The following MACROD2 variants were observed in gnomAD, a reference collection of about 807,000 sequenced individuals.
MACROD2 encodes mono-ADP ribosylhydrolase 2.
In MACROD2, 36 loss-of-function variants were observed where a neutral mutation model predicts 70.4. That is an observed-to-expected ratio of 0.51 (90% confidence interval 0.39 to 0.68). The LOEUF is 0.68. MACROD2 is among the 30% of genes least tolerant of loss of function. MACROD2 has a pLI of 0.00. For missense variants in MACROD2, 496 were observed against 538.4 expected (o/e 0.92, Z 0.78); for synonymous variants, 172 against 178.8 (o/e 0.96, Z 0.30).
intron 5 of MACROD2, among the ~76,000 whole-genome samples, chr20:14,690,256 C>G (rs924703959): frequency 2.1e-5 from 3 of 141,144 alleles, no homozygotes; most frequent in African/African-American, 7.8e-5. Flanking sequence ...GAATCTGTTT[C>G]TTTTATTTCT....
At chr20:14,003,158 G>A (rs1248638481) in intron 2 of MACROD2, among the ~76,000 whole-genome samples, 1 of 152,196 alleles carries the variant, frequency 6.6e-6, no homozygotes, top group Non-Finnish European at 1.5e-5. Flanking sequence ...CTTGAAACAT[G>A]CTAATTTCAA....
chr20:15,338,196 A>G (rs2078069730), intron 6 of MACROD2, among the ~76,000 whole-genome samples: 1 of 151,628 alleles, frequency 6.6e-6, no homozygotes, highest in Non-Finnish European at 1.5e-5. Context: ...TTAGACTGTA[A>G]TATTACGGTA....
chr20:14,412,255 T>TC (rs1055706642), intron 3 of MACROD2, among the ~76,000 whole-genome samples: 30 of 152,222 alleles, frequency 2.0e-4, no homozygotes, highest in African/African-American at 5.8e-4. Flanking sequence ...GGAATTCCCG[T>TC]CCCCCCTAGG....
intron 6 of MACROD2, among the ~76,000 whole-genome samples, chr20:15,370,488 T>C (rs984973759): frequency 3.3e-5 from 5 of 152,122 alleles, no homozygotes; most frequent in Non-Finnish European, 7.4e-5. Context: ...TACTGCCCAA[T>C]AATATTTTAT....
intron 8 of MACROD2, among the ~76,000 whole-genome samples, chr20:15,693,832 T>C (rs1428353418): frequency 5.9e-5 from 9 of 152,156 alleles, no homozygotes; most frequent in Non-Finnish European, 1.5e-5. Flanking sequence ...GTACACACTC[T>C]ACCATATTTG....
intron 4 of MACROD2, among the ~76,000 whole-genome samples, chr20:14,553,786 C>CAAA (rs1415088995): frequency 1.7e-3 from 262 of 152,262 alleles, no homozygotes; most frequent in African/African-American, 6.0e-3. Context: ...TAATGACCAT[C>CAAA]AAAGTTGGTC....
intron 2 of MACROD2, among the ~76,000 whole-genome samples, chr20:14,038,677 A>G (rs1294982435): frequency 6.6e-6 from 1 of 152,222 alleles, no homozygotes; most frequent in Non-Finnish European, 1.5e-5. Context: ...TTTATAATTC[A>G]TAATGCCATG....
At chr20:15,302,803 T>C (rs1446174686) in intron 6 of MACROD2, among the ~76,000 whole-genome samples, 1 of 152,184 alleles carries the variant, frequency 6.6e-6, no homozygotes, top group Non-Finnish European at 1.5e-5. Context: ...AGCATTATAG[T>C]CCTGTTTAAT....
intron 8 of MACROD2, among the ~76,000 whole-genome samples, chr20:15,805,291 GTGT>G (rs2147078194): frequency 6.6e-6 from 1 of 152,176 alleles, no homozygotes; most frequent in South Asian, 2.1e-4. Flanking sequence ...AGAGAAGGGC[GTGT>G]TGTTAAAGGA....
At chr20:14,826,026 T>A (rs1241697256) in intron 5 of MACROD2, among the ~76,000 whole-genome samples, 1 of 152,184 alleles carries the variant, frequency 6.6e-6, no homozygotes, top group African/African-American at 2.4e-5. Flanking sequence ...TGACCTATCA[T>A]TATCAATACA....
At position 15,451,425 on chromosome 20, in the gene MACROD2, A is replaced by AAAG. The variant is rs1400792102; in HGVS notation, c.571+19992_571+19993insGAA. On this transcript the variant is annotated intron_variant, in intron 7 of 17. Coordinates refer to ENST00000684519, the MANE Select transcript of MACROD2 (RefSeq NM_001351661.2). ...TCCTGAAGGGTGGTAAATAAAAAAA[A>AAAG]AAAAAAAAAAAAAAAAAAGAGTCAC... Among the ~76,000 whole-genome samples, 7 of 140,742 alleles carry AAAG rather than the reference A, an allele frequency of 5.0e-5. No homozygotes were observed. In the East Asian group the frequency reaches 1.4e-3, roughly 27 times the overall value. 92.3% of individuals were successfully genotyped at this position (140,742 alleles called of 152,430 possible).
chr20:14,315,404 A>G (rs1006581817), intron 3 of MACROD2, among the ~76,000 whole-genome samples: 2 of 152,202 alleles, frequency 1.3e-5, no homozygotes, highest in Non-Finnish European at 2.9e-5. Context: ...AAGTTCATTC[A>G]TTCTTTTATT....
chr20:14,776,059 GA>G (rs2072229733), intron 5 of MACROD2, among the ~76,000 whole-genome samples: 1 of 152,068 alleles, frequency 6.6e-6, no homozygotes, highest in African/African-American at 2.4e-5. Context: ...GTGGGAAAGA[GA>G]AGAACCAGAT....
intron 3 of MACROD2, among the ~76,000 whole-genome samples, chr20:14,102,074 G>C (rs938548920): frequency 7.5e-6 from 1 of 132,464 alleles, no homozygotes; most frequent in Non-Finnish European, 1.5e-5. Context: ...CATGATCTCG[G>C]CTCACTGCAA....
At chr20:14,613,899 T>C (rs1983316883) in intron 4 of MACROD2, among the ~76,000 whole-genome samples, 1 of 152,272 alleles carries the variant, frequency 6.6e-6, no homozygotes, top group African/African-American at 2.4e-5. Context: ...CCCATCGTTA[T>C]TCTAAGTCTC....
chr20:15,584,179 C>G (rs2048564887), intron 8 of MACROD2, among the ~76,000 whole-genome samples: 1 of 152,198 alleles, frequency 6.6e-6, no homozygotes, highest in Admixed American at 6.5e-5. Flanking sequence ...AATGCAGCCC[C>G]CTGGATCTCA....
chr20:13,996,903 A>C (rs867854209), intron 1 of MACROD2, among the ~76,000 whole-genome samples: 1 of 152,208 alleles, frequency 6.6e-6, no homozygotes, highest in African/African-American at 2.4e-5. Flanking sequence ...AGGGGTGACT[A>C]GGTATCAAGT....
At chr20:14,482,896 A>C (rs1352888228) in intron 3 of MACROD2, among the ~76,000 whole-genome samples, 1 of 152,160 alleles carries the variant, frequency 6.6e-6, no homozygotes, top group Non-Finnish European at 1.5e-5. Flanking sequence ...GTAACATTAC[A>C]TGGCTTCAAA....
chr20:15,365,356 A>G (rs1179787234), intron 6 of MACROD2, among the ~76,000 whole-genome samples: 1 of 152,074 alleles, frequency 6.6e-6, no homozygotes, highest in Non-Finnish European at 1.5e-5. Flanking sequence ...TCAAAATCCT[A>G]AGCCTTTTTA....
Sources: gnomAD v4.1 joint callset for allele counts (sites outside exome capture counted in the v4.1 genomes callset) on GRCh38, gnomAD v4.1.1 for gene constraint, MANE v1.5 for transcripts, NCBI Gene and HGNC (gene_info 2026-07-23, HGNC 2026-07-21) for gene names.